Variants in ZNF827 observed in about 807,000 individuals in gnomAD.
The protein encoded by ZNF827 is zinc finger protein 827.
A neutral mutation model predicts 102.4 loss-of-function variants in ZNF827; 13 were observed. That is an observed-to-expected ratio of 0.13 (90% CI 0.08 to 0.20). The LOEUF is 0.20. Among genes scored for constraint, ZNF827 ranks in the 10% least tolerant of loss-of-function variants. The pLI is 1.00. For missense variants in ZNF827, 1,103 were observed against 1,344.4 expected (o/e 0.82, Z 2.81); for synonymous variants, 523 against 536.2 (o/e 0.98, Z 0.34).
intron 7 of ZNF827, among the ~76,000 whole-genome samples, chr4:145,843,375 C>T (rs937634641): frequency 3.9e-4 from 60 of 152,292 alleles, no homozygotes; most frequent in Middle Eastern, 3.4e-3. Flanking sequence ...TTTCCTCTTA[C>T]TCATAATCTC....
intron 1 of ZNF827, among the ~76,000 whole-genome samples, chr4:145,916,319 C>T (rs1752664438): frequency 6.6e-6 from 1 of 152,206 alleles, no homozygotes; most frequent in Non-Finnish European, 1.5e-5. Context: ...ACCACATGAA[C>T]ATAGCCAAGA....
rs112659534 is a variant in ZNF827, at chr4:145,846,734, G to A, written c.2222-721C>T. 2.7e-4 allele frequency among the ~76,000 whole-genome samples: 36 copies of A among 131,188 alleles called. No individual in the cohort carries two copies. In the East Asian group the frequency reaches 3.7e-3, roughly 13 times the overall value. 86.1% of individuals were successfully genotyped at this position (131,188 alleles called of 152,430 possible). A position where few individuals can be genotyped will look rare whatever the true frequency, so the allele number is the denominator to read the frequency against. Reference sequence around the variant, plus strand: ...TGGGAGGCTGAGGCAGGAGAATGGCGTGAACCCGGGAGGCGGAGCTTGCAG... The same window carrying A: ...TGGGAGGCTGAGGCAGGAGAATGGCATGAACCCGGGAGGCGGAGCTTGCAG... On this transcript the variant is annotated intron_variant, in intron 6 of 14. Transcript: ENST00000508784.
chr4:145,875,729 C>G (rs1015980625), intron 4 of ZNF827, among the ~76,000 whole-genome samples: 2 of 152,116 alleles, frequency 1.3e-5, no homozygotes, highest in African/African-American at 2.4e-5. Context: ...CTGAACTGCT[C>G]TGTGAAAAAG....
intron 3 of ZNF827, among the ~76,000 whole-genome samples, chr4:145,891,750 C>T (rs1750622977): frequency 6.6e-6 from 1 of 152,186 alleles, no homozygotes; most frequent in Non-Finnish European, 1.5e-5. Flanking sequence ...TGTCTTCATG[C>T]CTCCTACACG....
rs1161081957 is a variant in ZNF827 at position 145,938,537 on chromosome 4, C to A, written c.-130G>T. On this transcript the variant is annotated 5_prime_UTR_variant, in exon 1 of 15. Coordinates refer to ENST00000508784, the MANE Select transcript of ZNF827 (RefSeq NM_001306215.2). ...GGCGGGCGGGCGGGCAGGGGGAAAC[C>A]CCTTCTCCGGTGTGTGCAATGGGTT... 3.1e-6 allele frequency: 2 copies of A among 650,450 alleles called. No homozygotes were observed. Among genetic ancestry groups the A allele is most frequent in the African/African-American group, 3.6e-5 (2 of 56,288 alleles). 40.3% of individuals were successfully genotyped at this position (650,450 alleles called of 1,614,324 possible). A position where few individuals can be genotyped will look rare whatever the true frequency, so the allele number is the denominator to read the frequency against.
chr4:145,776,092 G>A (rs1303124279), intron 9 of ZNF827, 132 bp from the exon 10 acceptor site: 73 of 1,001,040 alleles, frequency 7.3e-5, no homozygotes, highest in Non-Finnish European at 5.3e-5. Flanking sequence ...CAATGGTAAT[G>A]CCTAGGAATT....
In ZNF827 at chr4:145,800,639, T is replaced by C. The variant is rs556142079; in HGVS notation, c.2384-21128A>G. On this transcript the variant is annotated intron_variant, in intron 8 of 14. Transcript: ENST00000508784. ...TTATGTACACATCTGCCAACACAATTTGGTGTTTCTCAACGTCAGCACTAC... is the reference window on the plus strand; with the variant it reads ...TTATGTACACATCTGCCAACACAATCTGGTGTTTCTCAACGTCAGCACTAC... 2.0e-5 allele frequency among the ~76,000 whole-genome samples: 3 copies of C among 152,284 alleles called. No homozygotes were observed. The South Asian group carries it at 6.2e-4, about 32-fold the overall frequency.
intron 2 of ZNF827, among the ~76,000 whole-genome samples, chr4:145,900,783 A>G (rs1255445376): frequency 1.3e-5 from 2 of 152,116 alleles, no homozygotes; most frequent in Admixed American, 6.5e-5. Context: ...ATAAGTCAGG[A>G]GTGATTTTTT....
At chr4:145,803,725 C>T (rs925363506) in intron 8 of ZNF827, among the ~76,000 whole-genome samples, 1 of 152,172 alleles carries the variant, frequency 6.6e-6, no homozygotes, top group Non-Finnish European at 1.5e-5. Context: ...TTTAATAGAG[C>T]TGGCAATATC....
intron 1 of ZNF827, among the ~76,000 whole-genome samples, chr4:145,917,630 T>G (rs1322093918): frequency 7.4e-6 from 1 of 134,438 alleles, no homozygotes; most frequent in East Asian, 2.1e-4. Context: ...ATGCATCAAG[T>G]GGTAAGATTG....
chr4:145,793,301 T>C (rs1024211045), intron 8 of ZNF827, among the ~76,000 whole-genome samples: 1 of 138,448 alleles, frequency 7.2e-6, no homozygotes, highest in African/African-American at 2.7e-5. Flanking sequence ...GATATATATC[T>C]TATATATACT....
intron 8 of ZNF827, among the ~76,000 whole-genome samples, chr4:145,798,620 T>A (rs1365796978): frequency 6.6e-6 from 1 of 152,158 alleles, no homozygotes; most frequent in Non-Finnish European, 1.5e-5. Context: ...TGAGCCGAGA[T>A]CATGCCATTG....
rs1014027576 is a variant in ZNF827 at position 145,785,629 on chromosome 4, C to T, written c.2384-6118G>A. ...ATCTTAGTTCAAGGAGGAACCTGAA[C>T]GATCATCTTGTTCAATGTTTTCTGT... On this transcript the variant is annotated intron_variant, in intron 8 of 14. Transcript: ENST00000508784. Among the ~76,000 whole-genome samples, 8 of 152,218 alleles carry T rather than the reference C, an allele frequency of 5.3e-5. No individual in the cohort carries two copies. In the East Asian group the frequency reaches 1.4e-3, roughly 26 times the overall value.
chr4:145,878,672 A>T (rs1749390748), intron 4 of ZNF827, among the ~76,000 whole-genome samples: 3 of 148,952 alleles, frequency 2.0e-5, no homozygotes, highest in Admixed American at 2.0e-4. Context: ...AGAGAGAGAA[A>T]GGAAGGAAGG....
At position 145,864,578 on chromosome 4, in the gene ZNF827, A is replaced by C. The variant is rs1748016156; in HGVS notation, c.1981+5667T>G. Among the ~76,000 whole-genome samples, 9 of 152,136 alleles carry C rather than the reference A, an allele frequency of 5.9e-5. No individual in the cohort carries two copies. The South Asian group carries it at 1.9e-3, about 32-fold the overall frequency. ...CATTGCACTCCAGCCTGGGTGACTG[A>C]GCAAGACCCTGTCTCTAAAAAAATA... On this transcript the variant is annotated intron_variant, in intron 5 of 14. Coordinates refer to ENST00000508784, the MANE Select transcript of ZNF827 (RefSeq NM_001306215.2).
intron 13 of ZNF827, 131 bp downstream of exon 13, chr4:145,764,857 G>A: frequency 7.9e-7 from 1 of 1,269,780 alleles, no homozygotes. Context: ...AGGGGTTCCT[G>A]ACTAACTCCT....
At chr4:145,820,732 A>G (rs1261362950) in intron 8 of ZNF827, among the ~76,000 whole-genome samples, 1 of 152,176 alleles carries the variant, frequency 6.6e-6, no homozygotes, top group Admixed American at 6.5e-5. Context: ...AAGCTGCCCT[A>G]GAACTAGAGG....
chr4:145,784,041 T>G (rs1295367061), intron 8 of ZNF827, among the ~76,000 whole-genome samples: 2 of 152,152 alleles, frequency 1.3e-5, no homozygotes, highest in Non-Finnish European at 2.9e-5. Context: ...CCCTTCTCTA[T>G]TCCTACTGCT....
At chr4:145,863,640 T>G (rs1018740408) in intron 5 of ZNF827, among the ~76,000 whole-genome samples, 4 of 151,522 alleles carry the variant, frequency 2.6e-5, no homozygotes, top group African/African-American at 9.7e-5. Flanking sequence ...CACAAAACAC[T>G]GCATATTGTA....
Sources: allele counts gnomAD v4.1 joint callset (sites outside exome capture counted in the v4.1 genomes callset), GRCh38; gene constraint gnomAD v4.1.1; transcripts MANE v1.5; gene names NCBI Gene and HGNC (gene_info 2026-07-23, HGNC 2026-07-21).